Variants in GUCY1A2 observed in about 807,000 individuals in gnomAD.
GUCY1A2 encodes the protein guanylate cyclase 1 soluble subunit alpha 2.
Under a neutral mutation model 63.5 loss-of-function variants are expected in GUCY1A2, and 27 were observed. The observed-to-expected ratio is 0.43, with a 90% CI of 0.31 to 0.59. GUCY1A2 has a LOEUF of 0.59. Among genes scored for constraint, GUCY1A2 ranks in the 20% least tolerant of loss-of-function variants. The pLI is 0.11. For missense variants in GUCY1A2, 768 were observed against 913.3 expected (o/e 0.84, Z 2.05); for synonymous variants, 364 against 343.5 (o/e 1.06, Z -0.66).
chr11:106,794,319 G>T (rs1352857079), intron 5 of GUCY1A2, among the ~76,000 whole-genome samples: 1 of 152,116 alleles, frequency 6.6e-6, no homozygotes, highest in Non-Finnish European at 1.5e-5. Flanking sequence ...ACAGAGAGTA[G>T]AATGGTGTTT....
intron 6 of GUCY1A2, among the ~76,000 whole-genome samples, chr11:106,711,982 A>C (rs1406952720): frequency 6.6e-6 from 1 of 151,758 alleles, no homozygotes; most frequent in Non-Finnish European, 1.5e-5. Flanking sequence ...TTTTATCATC[A>C]GTTTTAGGTA....
intron 4 of GUCY1A2, among the ~76,000 whole-genome samples, chr11:106,838,782 TGA>T (rs1859152115): frequency 6.6e-6 from 1 of 152,124 alleles, no homozygotes; most frequent in African/African-American, 2.4e-5. Context: ...GTCTTTTTTT[TGA>T]GAAGTGTCTG....
intron 6 of GUCY1A2, among the ~76,000 whole-genome samples, chr11:106,748,532 T>G (rs899996407): frequency 6.6e-6 from 1 of 152,186 alleles, no homozygotes; most frequent in Non-Finnish European, 1.5e-5. Context: ...TTAATTCTCT[T>G]AGGGAGCTAG....
chr11:106,677,427 CTAA>C lies in GUCY1A2; in HGVS notation c.*10119_*10121del, dbSNP rs1295216273. Reference sequence around the variant, plus strand: ...GTTTCTCATTAGCACAAAAAATATACTAATGTTTAATTAGATAATGCAGCAAAT... The same window carrying C: ...GTTTCTCATTAGCACAAAAAATATACTGTTTAATTAGATAATGCAGCAAAT... On this transcript the variant is annotated 3_prime_UTR_variant, in exon 8 of 8. Coordinates refer to ENST00000526355, the MANE Select transcript of GUCY1A2 (RefSeq NM_000855.3). 1 of 208,006 alleles carries C rather than the reference CTAA, an allele frequency of 4.8e-6. No individual in the cohort carries two copies. The highest frequency in any genetic ancestry group is 9.8e-6 in the Non-Finnish European group (1 of 102,022). The allele number at this position is 208,006 out of a possible 1,614,324, so 12.9% of individuals were successfully genotyped here.
intron 5 of GUCY1A2, among the ~76,000 whole-genome samples, chr11:106,791,275 AAG>A (rs1864654988): frequency 6.6e-6 from 1 of 152,182 alleles, no homozygotes; most frequent in Non-Finnish European, 1.5e-5. Flanking sequence ...GTTCAATACA[AAG>A]TCTCACAATC....
intron 1 of GUCY1A2, among the ~76,000 whole-genome samples, chr11:106,997,399 C>A (rs373162925): frequency 6.6e-6 from 1 of 152,154 alleles, no homozygotes; most frequent in Non-Finnish European, 1.5e-5. Flanking sequence ...CCAGAGCATA[C>A]AAACATGACA....
chr11:106,697,137 GA>G (rs1862734470), intron 7 of GUCY1A2, among the ~76,000 whole-genome samples: 1 of 152,202 alleles, frequency 6.6e-6, no homozygotes, highest in Non-Finnish European at 1.5e-5. Flanking sequence ...TTGCAAATCT[GA>G]AAAATTTTCA....
Position 106,776,421 on chromosome 11 carries a change from G to A in GUCY1A2, c.1836+18C>T. The A allele has an allele frequency of 6.8e-7, 1 of 1,469,670 alleles. No homozygotes were observed. The highest frequency in any genetic ancestry group is 9.4e-7 in the Non-Finnish European group (1 of 1,064,630). The allele number at this position is 1,469,670 out of a possible 1,614,324, so 91.0% of individuals were successfully genotyped here. A position where few individuals can be genotyped will look rare whatever the true frequency, so the allele number is the denominator to read the frequency against. On this transcript the variant is annotated intron_variant, in intron 6 of 7. Coordinates refer to ENST00000526355, the MANE Select transcript of GUCY1A2 (RefSeq NM_000855.3). ...AATGGTGCACTTACTACTCAAACTA[G>A]ATTGTTGGGAGGGTTACCTGAATCG... is the stretch of plus-strand genomic sequence containing the variant.
Position 106,677,428 on chromosome 11 carries a change from T to A in GUCY1A2, c.*10121A>T. 1 of 208,094 alleles carries A rather than the reference T, an allele frequency of 4.8e-6. No homozygotes were observed. Among genetic ancestry groups the A allele is most frequent in the East Asian group, 7.2e-5 (1 of 13,912 alleles). 12.9% of individuals were successfully genotyped at this position (208,094 alleles called of 1,614,324 possible). A position where few individuals can be genotyped will look rare whatever the true frequency, so the allele number is the denominator to read the frequency against. On this transcript the variant is annotated 3_prime_UTR_variant, in exon 8 of 8. Transcript: ENST00000526355. ...TTTCTCATTAGCACAAAAAATATAC[T>A]AATGTTTAATTAGATAATGCAGCAA... is the stretch of plus-strand genomic sequence containing the variant.
Position 106,860,620 on chromosome 11 carries a change from T to A in GUCY1A2, c.1207-50142A>T, listed in dbSNP as rs1260083396. On this transcript the variant is annotated intron_variant, in intron 4 of 7. Transcript: ENST00000526355. ...TGTATAAAGAGAGTAAGTGAGAGCA[T>A]AATGAATTCTTTTTACGTGCCTGGT... Among the ~76,000 whole-genome samples, 5 of 151,950 alleles carry A rather than the reference T, an allele frequency of 3.3e-5. No individual in the cohort carries two copies. The East Asian group carries it at 9.6e-4, about 29-fold the overall frequency.
Position 106,701,353 on chromosome 11 carries a change from G to A in GUCY1A2, c.1991+7159C>T, listed in dbSNP as rs926508721. Among the ~76,000 whole-genome samples, 155 of 151,666 alleles carry A rather than the reference G, an allele frequency of 1.0e-3. 1 individual carries two copies. The highest frequency in any genetic ancestry group is 3.4e-3 in the African/African-American group (140 of 41,380). On this transcript the variant is annotated intron_variant, in intron 7 of 7. Coordinates refer to ENST00000526355, the MANE Select transcript of GUCY1A2 (RefSeq NM_000855.3). Reference sequence around the variant, plus strand: ...AAATACAGACACTCCAAATAAACACGTTAGAAATAATATCCTTCCTTTTTA... The same window carrying A: ...AAATACAGACACTCCAAATAAACACATTAGAAATAATATCCTTCCTTTTTA...
At chr11:106,825,520 A>AAAATAT (rs1858957763) in intron 4 of GUCY1A2, among the ~76,000 whole-genome samples, 1 of 151,672 alleles carries the variant, frequency 6.6e-6, no homozygotes, top group African/African-American at 2.4e-5. Context: ...AATATTTGAG[A>AAAATAT]ATAAGTCCAT....
intron 6 of GUCY1A2, among the ~76,000 whole-genome samples, chr11:106,752,990 T>C (rs1440228069): frequency 6.6e-6 from 1 of 152,178 alleles, no homozygotes; most frequent in African/African-American, 2.4e-5. Context: ...CATAAAAGCA[T>C]TCCTATTTCT....
rs1349393534 is a variant in GUCY1A2, at chr11:106,683,536, T to C, written c.*4013A>G. 4.4e-6 allele frequency: 1 copy of C among 228,276 alleles called. No individual in the cohort carries two copies. The highest frequency in any genetic ancestry group is 8.7e-6 in the Non-Finnish European group (1 of 114,950). The allele number at this position is 228,276 out of a possible 1,614,324, so 14.1% of individuals were successfully genotyped here. The stretch of plus-strand genomic sequence containing the variant: ...ACATTGTTGCTCAGGCCTGACTGTG[T>C]GTGGTCCTTCCTATCCGCCTGAATG... On this transcript the variant is annotated 3_prime_UTR_variant, in exon 8 of 8. Transcript: ENST00000526355.
In GUCY1A2 at chr11:106,900,103, AC is replaced by A. The variant is rs1204910460; in HGVS notation, c.1206+39356del. Among the ~76,000 whole-genome samples, 646 of 150,520 alleles carry A rather than the reference AC, an allele frequency of 4.3e-3. 4 individuals carry two copies. The highest frequency in any genetic ancestry group is 0.014 in the African/African-American group (560 of 41,066). ...TCCGTCTCAAAAAAAAAAAAAAAAA[AC>A]AATCTATAATATATGTAGCCAATCA... On this transcript the variant is annotated intron_variant, in intron 4 of 7. Transcript: ENST00000526355.
intron 7 of GUCY1A2, among the ~76,000 whole-genome samples, chr11:106,704,876 T>C (rs1159537708): frequency 1.3e-5 from 2 of 150,334 alleles, no homozygotes; most frequent in African/African-American, 4.9e-5. Flanking sequence ...TAAAGTAATA[T>C]TAGTATATAT....
At chr11:106,962,645 G>A (rs1371987812) in intron 3 of GUCY1A2, among the ~76,000 whole-genome samples, 1 of 151,430 alleles carries the variant, frequency 6.6e-6, no homozygotes, top group Non-Finnish European at 1.5e-5. Context: ...CACATAGACA[G>A]AATACCTGAT....
chr11:106,946,179 A>C (rs1860826020), intron 3 of GUCY1A2, among the ~76,000 whole-genome samples: 1 of 152,136 alleles, frequency 6.6e-6, no homozygotes, highest in Non-Finnish European at 1.5e-5. Flanking sequence ...GGAATAATAT[A>C]ATCTTAGAAA....
chr11:106,800,816 A>G (rs542977172), intron 5 of GUCY1A2, among the ~76,000 whole-genome samples: 3 of 152,182 alleles, frequency 2.0e-5, no homozygotes, highest in African/African-American at 7.2e-5. Context: ...GCAGCACACC[A>G]ACATGGCATG....
Sources: allele counts gnomAD v4.1 joint callset (sites outside exome capture counted in the v4.1 genomes callset), GRCh38; gene constraint gnomAD v4.1.1; transcripts MANE v1.5; gene names NCBI Gene and HGNC (gene_info 2026-07-23, HGNC 2026-07-21).